The following CREM variants were observed in gnomAD, a reference collection of about 807,000 sequenced individuals.
The protein encoded by CREM is cAMP-responsive element modulator.
A neutral mutation model predicts 37.3 loss-of-function variants in CREM; 13 were observed. The ratio of observed to expected loss-of-function variants is 0.35; its 90% confidence interval spans 0.23 to 0.55. The LOEUF (loss-of-function observed/expected upper bound fraction) is 0.55. CREM is among the 20% of genes least tolerant of loss of function. The pLI is 0.88. For missense variants in CREM, 296 were observed against 362.3 expected (o/e 0.82, Z 1.49); for synonymous variants, 124 against 120.2 (o/e 1.03, Z -0.21).
intron 3 of CREM, chr10:35,175,930 A>G (rs1456004492): frequency 3.9e-6 from 6 of 1,551,846 alleles, no homozygotes; most frequent in African/African-American, 1.4e-5. Context: ...GCCAAACTAT[A>G]CATGTCCAGG....
chr10:35,174,615 A>G (rs1220605595), intron 3 of CREM, among the ~76,000 whole-genome samples: 2 of 152,170 alleles, frequency 1.3e-5, no homozygotes, highest in Admixed American at 1.3e-4. Flanking sequence ...ATTGTTTTAG[A>G]TGCTGTGGTT....
At chr10:35,195,134 C>A in intron 6 of CREM, 1 of 1,600,024 alleles carries the variant, frequency 6.2e-7, no homozygotes, top group Admixed American at 1.7e-5. Context: ...ATTTGGAACA[C>A]TTTATGTTGA....
intron 1 of CREM, among the ~76,000 whole-genome samples, chr10:35,130,294 CT>C (rs2089104905): frequency 6.6e-6 from 1 of 151,544 alleles, no homozygotes; most frequent in Non-Finnish European, 1.5e-5. Flanking sequence ...TAATAATCTC[CT>C]TTTAGACAAT....
chr10:35,133,458 C>T (rs557607340), intron 1 of CREM, among the ~76,000 whole-genome samples: 15 of 152,030 alleles, frequency 9.9e-5, no homozygotes, highest in African/African-American at 2.9e-4. Flanking sequence ...GCCACCGTGC[C>T]TGGCTAATTT....
intron 6 of CREM, 23 bp from the exon 7 acceptor site, chr10:35,206,872 C>G (rs755945573): frequency 1.2e-6 from 2 of 1,611,576 alleles, no homozygotes; most frequent in East Asian, 4.5e-5. Flanking sequence ...TATATAAGCT[C>G]AAAATATTTT....
At chr10:35,181,726 A>C (rs1387638435) in intron 5 of CREM, among the ~76,000 whole-genome samples, 2 of 152,102 alleles carry the variant, frequency 1.3e-5, no homozygotes, top group Non-Finnish European at 2.9e-5. Context: ...AATTTTAAAA[A>C]TTAGCAGGGT....
chr10:35,145,139 T>G (rs2091914540), intron 2 of CREM, among the ~76,000 whole-genome samples: 1 of 114,228 alleles, frequency 8.8e-6, no homozygotes, highest in African/African-American at 3.1e-5. Flanking sequence ...CCAGCCTGGG[T>G]GACAGAGCAA....
chr10:35,196,133 C>T (rs749338581), intron 6 of CREM: 2 of 1,611,788 alleles, frequency 1.2e-6, no homozygotes, highest in Non-Finnish European at 1.7e-6. Context: ...GCCGTCCCTG[C>T]ATGCGCCTGG....
intron 5 of CREM, among the ~76,000 whole-genome samples, chr10:35,185,029 A>G (rs1807128957): frequency 1.2e-5 from 1 of 85,806 alleles, no homozygotes; most frequent in South Asian, 5.3e-4. Flanking sequence ...TGAGGAAATG[A>G]TAGCCATTCA....
At chr10:35,210,139 T>G (rs535596224) in intron 7 of CREM, among the ~76,000 whole-genome samples, 74 of 152,312 alleles carry the variant, frequency 4.9e-4, no homozygotes, top group African/African-American at 1.7e-3. Context: ...AACTGGTGTT[T>G]AGACATTCAA....
chr10:35,192,859 A>T (rs978693183), intron 6 of CREM, among the ~76,000 whole-genome samples: 9 of 152,172 alleles, frequency 5.9e-5, no homozygotes, highest in Non-Finnish European at 1.0e-4. Context: ...CAAAGCTCCA[A>T]ATCTTTCATG....
At chr10:35,153,873 C>T (rs1258883773) in intron 3 of CREM, among the ~76,000 whole-genome samples, 2 of 152,166 alleles carry the variant, frequency 1.3e-5, no homozygotes, top group Non-Finnish European at 2.9e-5. Flanking sequence ...CTCCAAGGAC[C>T]TCTGTATTTT....
chr10:35,162,572 A>G (rs934495493), intron 3 of CREM, among the ~76,000 whole-genome samples: 1 of 152,192 alleles, frequency 6.6e-6, no homozygotes, highest in Non-Finnish European at 1.5e-5. Flanking sequence ...AGAACATTTA[A>G]AAGGTACATC....
chr10:35,133,501 G>A (rs529151795), intron 1 of CREM, among the ~76,000 whole-genome samples: 2 of 152,196 alleles, frequency 1.3e-5, no homozygotes, highest in African/African-American at 4.8e-5. Flanking sequence ...GTTTTACCAT[G>A]TTGGCCAGGC....
At chr10:35,152,430 A>G (rs1385404806) in intron 3 of CREM, 1 of 152,212 alleles carries the variant, frequency 6.6e-6, no homozygotes, top group Non-Finnish European at 1.5e-5. Context: ...TTTCTGTTTT[A>G]TAACTTTGTA....
At chr10:35,128,003 G>A (rs2088303183) in intron 1 of CREM, among the ~76,000 whole-genome samples, 1 of 151,978 alleles carries the variant, frequency 6.6e-6, no homozygotes, top group South Asian at 2.1e-4. Context: ...GCGCCACCAC[G>A]CCTGCTAATT....
At chr10:35,143,438 G>A (rs1176277632) in intron 2 of CREM, among the ~76,000 whole-genome samples, 2 of 152,142 alleles carry the variant, frequency 1.3e-5, no homozygotes, top group African/African-American at 4.8e-5. Context: ...ATAGGATGTT[G>A]TAGGCAGAGT....
At chr10:35,127,718 G>C (rs1423333685) in intron 1 of CREM, among the ~76,000 whole-genome samples, 1 of 152,222 alleles carries the variant, frequency 6.6e-6, no homozygotes, top group Admixed American at 6.5e-5. Context: ...GGCAGTCTCC[G>C]GAGTGGGAAG....
Position 35,211,881 on chromosome 10 carries a change from G to T in CREM, c.*483G>T. 1 of 1,320,206 alleles carries T rather than the reference G, an allele frequency of 7.6e-7. No individual in the cohort carries two copies. Among genetic ancestry groups the T allele is most frequent in the South Asian group, 1.9e-5 (1 of 53,616 alleles). 81.8% of individuals were successfully genotyped at this position (1,320,206 alleles called of 1,614,324 possible). On this transcript the variant is annotated 3_prime_UTR_variant, in exon 8 of 8. Transcript: ENST00000685392. ...ACAATATATAGCTGGCAAGAATGGT[G>T]GCTTCTTTTCTTTGTATCATTCATC...
Sources: gnomAD v4.1 joint callset for allele counts (sites outside exome capture counted in the v4.1 genomes callset) on GRCh38, gnomAD v4.1.1 for gene constraint, MANE v1.5 for transcripts, NCBI Gene and HGNC (gene_info 2026-07-23, HGNC 2026-07-21) for gene names.